Variants in NRG3 observed in about 807,000 individuals in gnomAD.
The protein encoded by NRG3 is pro-neuregulin-3, membrane-bound isoform.
A neutral mutation model predicts 66.9 loss-of-function variants in NRG3; 31 were observed. That is an observed-to-expected ratio of 0.46 (90% CI 0.35 to 0.63). The LOEUF is 0.63. Ranked by LOEUF, NRG3 falls within the 20% of genes least tolerant of loss-of-function variation. The pLI is 0.00. For synonymous variants in NRG3, 393 were observed against 359.4 expected (o/e 1.09, Z -1.06); for missense variants, 910 against 878.9 (o/e 1.04, Z -0.45).
intron 1 of NRG3, among the ~76,000 whole-genome samples, chr10:82,038,058 C>T (rs1440472690): frequency 6.6e-6 from 1 of 152,040 alleles, no homozygotes; most frequent in Non-Finnish European, 1.5e-5. Context: ...TAGTAATCTA[C>T]ACCCAGTAAA....
At chr10:82,014,635 C>T (rs1318337413) in intron 1 of NRG3, among the ~76,000 whole-genome samples, 4 of 152,056 alleles carry the variant, frequency 2.6e-5, no homozygotes, top group South Asian at 2.1e-4. Flanking sequence ...AATTGAAGAA[C>T]GGGCATGATG....
intron 3 of NRG3, among the ~76,000 whole-genome samples, chr10:82,852,960 T>C (rs186802377): frequency 2.4e-3 from 359 of 152,354 alleles, no homozygotes; most frequent in Non-Finnish European, 2.6e-3. Context: ...CTGATTTTTT[T>C]CTTTTTAAAA....
chr10:82,840,146 T>C (rs1045349880), intron 3 of NRG3, among the ~76,000 whole-genome samples: 3 of 152,192 alleles, frequency 2.0e-5, no homozygotes, highest in Non-Finnish European at 4.4e-5. Flanking sequence ...AAAAAGTGTT[T>C]GATAAATTTT....
intron 1 of NRG3, among the ~76,000 whole-genome samples, chr10:81,961,993 C>G (rs1265739255): frequency 6.6e-6 from 1 of 152,192 alleles, no homozygotes; most frequent in Non-Finnish European, 1.5e-5. Flanking sequence ...GTTAGGAATA[C>G]AAATTCAGTG....
At chr10:82,330,658 A>G (rs3904724) in intron 1 of NRG3, among the ~76,000 whole-genome samples, 60,610 of 152,144 alleles carry the variant, frequency 0.4, 16,919 homozygotes, top group African/African-American at 0.78. Flanking sequence ...ATATTTTTAA[A>G]CCTTTGATAA....
chr10:82,951,593 G>A, intron 5 of NRG3, 22 bp downstream of exon 5: 1 of 1,592,300 alleles, frequency 6.3e-7, no homozygotes, highest in Non-Finnish European at 8.6e-7. Context: ...TCTCTCAAGT[G>A]TTTAAAGGTT....
intron 4 of NRG3, among the ~76,000 whole-genome samples, chr10:82,916,666 G>A (rs565056334): frequency 2.0e-5 from 3 of 150,712 alleles, no homozygotes; most frequent in Admixed American, 6.6e-5. Flanking sequence ...TTGCTTGGTC[G>A]CTCAGGCTGG....
At chr10:82,768,349 T>A (rs988680393) in intron 3 of NRG3, among the ~76,000 whole-genome samples, 2 of 152,184 alleles carry the variant, frequency 1.3e-5, no homozygotes, top group Non-Finnish European at 2.9e-5. Context: ...CACTCTTCCA[T>A]GGACATGTGG....
At chr10:82,775,030 T>C (rs2059858629) in intron 3 of NRG3, among the ~76,000 whole-genome samples, 2 of 151,942 alleles carry the variant, frequency 1.3e-5, no homozygotes, top group Admixed American at 1.3e-4. Context: ...TTTTGCCATG[T>C]TGGCCAGGCT....
intron 1 of NRG3, among the ~76,000 whole-genome samples, chr10:81,895,350 A>T (rs1013732822): frequency 2.6e-5 from 4 of 152,150 alleles, no homozygotes; most frequent in Non-Finnish European, 5.9e-5. Flanking sequence ...ATACATTCTA[A>T]TAACAGCCCC....
At chr10:82,409,601 A>C (rs559905436) in intron 2 of NRG3, among the ~76,000 whole-genome samples, 1 of 152,196 alleles carries the variant, frequency 6.6e-6, no homozygotes, top group African/African-American at 2.4e-5. Context: ...TCATTGTCAG[A>C]AAAAACAACT....
intron 1 of NRG3, among the ~76,000 whole-genome samples, chr10:82,350,353 AGGCTTTG>A (rs1401702878): frequency 3.3e-5 from 5 of 152,206 alleles, no homozygotes; most frequent in Admixed American, 6.5e-5. Context: ...ATTGTGTGTC[AGGCTTTG>A]TAATAAATTA....
chr10:81,938,382 G>C, intron 1 of NRG3, among the ~76,000 whole-genome samples: 1 of 120,498 alleles, frequency 8.3e-6, no homozygotes, highest in South Asian at 2.7e-4. Context: ...ATTTATTTGT[G>C]TGTGTGTGTG....
At chr10:82,958,497 G>A (rs1301254257) in intron 5 of NRG3, among the ~76,000 whole-genome samples, 2 of 152,116 alleles carry the variant, frequency 1.3e-5, no homozygotes, top group Non-Finnish European at 2.9e-5. Flanking sequence ...TACACATTAT[G>A]GTATATAGTC....
chr10:82,304,676 T>C (rs1029805755), intron 1 of NRG3, among the ~76,000 whole-genome samples: 1 of 122,362 alleles, frequency 8.2e-6, no homozygotes, highest in Admixed American at 7.6e-5. Context: ...TGTTTTCTTG[T>C]TAGTTGTCAG....
intron 3 of NRG3, among the ~76,000 whole-genome samples, chr10:82,784,366 A>G (rs1438249618): frequency 1.3e-5 from 2 of 150,714 alleles, no homozygotes; most frequent in African/African-American, 4.9e-5. Flanking sequence ...ATGGGATCTA[A>G]TTAAACTAAA....
chr10:82,632,362 A>G (rs568081842), intron 2 of NRG3, among the ~76,000 whole-genome samples: 5 of 152,156 alleles, frequency 3.3e-5, no homozygotes, highest in Non-Finnish European at 5.9e-5. Context: ...CAGGCCCCTG[A>G]TATTACTTAA....
chr10:82,437,571 G>T (rs1299640665), intron 2 of NRG3, among the ~76,000 whole-genome samples: 1 of 151,966 alleles, frequency 6.6e-6, no homozygotes, highest in Admixed American at 6.5e-5. Context: ...GTTCACTTCT[G>T]TGCCCTTGAT....
At position 82,421,747 on chromosome 10, in the gene NRG3, G is replaced by A. The variant is rs187725671; in HGVS notation, c.953+62879G>A. Among the ~76,000 whole-genome samples the A allele has an allele frequency of 5.3e-3, 802 of 152,110 alleles. 7 individuals carry two copies. The highest frequency in any genetic ancestry group is 0.019 in the African/African-American group (780 of 41,524). ...TGCTTGCTCCTTTAAATTAGTGAGAGCAAGCTCATTCTAGTTCAGTTCCTG... is the reference window on the plus strand; with the variant it reads ...TGCTTGCTCCTTTAAATTAGTGAGAACAAGCTCATTCTAGTTCAGTTCCTG... On this transcript the variant is annotated intron_variant, in intron 2 of 8. Transcript: ENST00000372141.
Sources: allele counts gnomAD v4.1 joint callset (sites outside exome capture counted in the v4.1 genomes callset), GRCh38; gene constraint gnomAD v4.1.1; transcripts MANE v1.5; gene names NCBI Gene and HGNC (gene_info 2026-07-23, HGNC 2026-07-21).